The following C14orf39 variants were observed in gnomAD, a reference collection of about 807,000 sequenced individuals.
The protein encoded by C14orf39 is protein SIX6OS1.
C14orf39 carries 66 observed loss-of-function variants against 85.6 expected under a neutral mutation model. That is an observed-to-expected ratio of 0.77 (90% confidence interval 0.63 to 0.95). The LOEUF is 0.95. C14orf39 is among the 40% of genes least tolerant of loss of function. The pLI, the probability that C14orf39 is intolerant of heterozygous loss-of-function variation, is 0.00. For synonymous variants in C14orf39, 242 were observed against 214.0 expected (o/e 1.13, Z -1.14); for missense variants, 735 against 663.9 (o/e 1.11, Z -1.18).
In C14orf39 at chr14:60,484,776, A is replaced by G. The variant is rs1045011928; in HGVS notation, c.106+105T>C. The G allele has an allele frequency of 7.6e-6, 6 of 790,990 alleles. No individual in the cohort carries two copies. Among genetic ancestry groups the G allele is most frequent in the African/African-American group, 1.8e-5 (1 of 56,134 alleles). 49.0% of individuals were successfully genotyped at this position (790,990 alleles called of 1,614,324 possible). A position where few individuals can be genotyped will look rare whatever the true frequency, so the allele number is the denominator to read the frequency against. ...TTTGTCGCTAGAGAGAACTGACACA[A>G]AAGTTATAACGCCAACAATAAGTTG... On this transcript the variant is annotated intron_variant, in intron 3 of 17. Transcript: ENST00000321731. This position sits in a 1 kb window ranked among gnomAD's most constrained non-coding sequence, Gnocchi z 4.2.
At chr14:60,511,111 T>G (rs765698334) in intron 1 of C14orf39, 2 of 1,612,722 alleles carry the variant, frequency 1.2e-6, no homozygotes, top group African/African-American at 2.7e-5. Flanking sequence ...TGTCACAGGG[T>G]TCCGGGCGGG....
chr14:60,437,619 T>C (rs1349232122), intron 17 of C14orf39, among the ~76,000 whole-genome samples: 2 of 151,956 alleles, frequency 1.3e-5, no homozygotes, highest in African/African-American at 4.8e-5. Flanking sequence ...CAGGAGAGTC[T>C]AGAAGTGGGA....
chr14:60,478,150 G>C (rs1257085437), intron 5 of C14orf39, 150 bp downstream of exon 5: 2 of 234,176 alleles, frequency 8.5e-6, no homozygotes, highest in African/African-American at 5.1e-5. Context: ...CTGCACTCCA[G>C]CCTGGGGGAC....
At position 60,471,587 on chromosome 14, in the gene C14orf39, A is replaced by G; in HGVS notation, c.476T>C (p.Leu159Ser). The G allele has an allele frequency of 6.3e-7, 1 of 1,597,636 alleles. No homozygotes were observed. Among genetic ancestry groups the G allele is most frequent in the African/African-American group, 1.4e-5 (1 of 73,918 alleles). ...QSRVLACTEQ[L>S]KMNETIFMKF... ...CATAAAAATTGTTTCATTCATTTTT[A>G]ATTGTTCAGTACATGCCAACACTCT... Residue 159 changes from leucine to serine, a missense_variant, in exon 6 of 18, where the codon TTA (leucine) becomes TCA (serine). Coordinates refer to ENST00000321731, the MANE Select transcript of C14orf39 (RefSeq NM_174978.3).
chr14:60,455,684 G>A (rs1322929507), intron 15 of C14orf39, among the ~76,000 whole-genome samples: 1 of 152,098 alleles, frequency 6.6e-6, no homozygotes, highest in Non-Finnish European at 1.5e-5. Context: ...GGATTCTAGA[G>A]CCAGAACGGC....
At chr14:60,512,206 G>A (rs1356051410) in intron 1 of C14orf39, 1 of 152,098 alleles carries the variant, frequency 6.6e-6, no homozygotes, top group African/African-American at 2.4e-5. Context: ...CAGCTTTCAG[G>A]AGCAATTTAG....
chr14:60,478,281 C>A lies in C14orf39; in HGVS notation c.323+19G>T. 8.1e-7 allele frequency: 1 copy of A among 1,229,888 alleles called. No homozygotes were observed. The highest frequency in any genetic ancestry group is 1.1e-6 in the Non-Finnish European group (1 of 905,134). 76.2% of individuals were successfully genotyped at this position (1,229,888 alleles called of 1,614,324 possible). On this transcript the variant is annotated intron_variant, in intron 5 of 17. Coordinates refer to ENST00000321731, the MANE Select transcript of C14orf39 (RefSeq NM_174978.3). ...AATACAAACTTATAGAATTGATAAA[C>A]TTCATATAAGTACTATACTTGTCTT...
At chr14:60,455,193 C>A in intron 15 of C14orf39, 48 bp from the exon 16 acceptor site, 1 of 1,340,626 alleles carries the variant, frequency 7.5e-7, no homozygotes, top group Non-Finnish European at 1.0e-6. Flanking sequence ...TTATTAAACA[C>A]TGAATACTGG....
At chr14:60,489,784 A>C (rs1892958795), upstream of C14orf39, among the ~76,000 whole-genome samples, 1 of 152,228 alleles carries the variant, frequency 6.6e-6, no homozygotes, top group Admixed American at 6.5e-5. Flanking sequence ...AAGAGAGAGA[A>C]TCTTCCCTAG....
At chr14:60,453,349 T>C (rs539283201) in intron 16 of C14orf39, among the ~76,000 whole-genome samples, 1 of 151,726 alleles carries the variant, frequency 6.6e-6, no homozygotes, top group African/African-American at 2.4e-5. Context: ...CTACCAGAAA[T>C]GATATTAATA....
chr14:60,500,696 G>GA (rs1893131904), intron 1 of C14orf39, among the ~76,000 whole-genome samples: 1 of 152,012 alleles, frequency 6.6e-6, no homozygotes, highest in Non-Finnish European at 1.5e-5. Flanking sequence ...CATCAAAGGG[G>GA]AAAAAATGTG....
upstream of C14orf39, among the ~76,000 whole-genome samples, chr14:60,490,003 T>G (rs572793045): frequency 3.4e-4 from 52 of 152,338 alleles, no homozygotes; most frequent in South Asian, 0.011. Flanking sequence ...ACCTGACCTC[T>G]GCATTATCAC....
chr14:60,483,592 C>T, intron 4 of C14orf39, 99 bp downstream of exon 4: 1 of 1,015,864 alleles, frequency 9.8e-7, no homozygotes, highest in Middle Eastern at 3.1e-4. Context: ...GATTCATTAG[C>T]TAATACAGAA....
At chr14:60,466,868 T>G (rs933270918) in intron 10 of C14orf39, 49 bp downstream of exon 10, 5 of 1,397,304 alleles carry the variant, frequency 3.6e-6, no homozygotes, top group Non-Finnish European at 4.7e-6. Flanking sequence ...ATTTCTTCTG[T>G]GTGTTTGCAA....
intron 10 of C14orf39, 144 bp downstream of exon 10, chr14:60,466,773 G>A (rs961273814): frequency 2.2e-6 from 1 of 458,974 alleles, no homozygotes; most frequent in African/African-American, 2.0e-5. Flanking sequence ...CTCTCAGAAA[G>A]ATTCAAAGCA....
intron 16 of C14orf39, among the ~76,000 whole-genome samples, chr14:60,448,104 A>G (rs923036562): frequency 6.6e-6 from 1 of 152,224 alleles, no homozygotes; most frequent in East Asian, 1.9e-4. Flanking sequence ...AAGAAAACCT[A>G]GGCAATACCA....
At chr14:60,479,761 CT>C (rs2140150141) in intron 4 of C14orf39, among the ~76,000 whole-genome samples, 1 of 152,188 alleles carries the variant, frequency 6.6e-6, no homozygotes, top group East Asian at 1.9e-4. Flanking sequence ...AAAAACCTTC[CT>C]TTACTGTTAA....
chr14:60,457,212 C>A, intron 14 of C14orf39, 117 bp from the exon 15 acceptor site: 1 of 502,884 alleles, frequency 2.0e-6, no homozygotes, highest in Non-Finnish European at 3.3e-6. Context: ...ATTGCACAGA[C>A]AAAATAACTG....
chr14:60,447,913 T>C (rs976511597), intron 16 of C14orf39, among the ~76,000 whole-genome samples: 7 of 152,170 alleles, frequency 4.6e-5, no homozygotes, highest in African/African-American at 1.7e-4. Flanking sequence ...ATCTGATCTT[T>C]GACAAACCTG....
Sources: allele counts gnomAD v4.1 joint callset (sites outside exome capture counted in the v4.1 genomes callset), GRCh38; gene constraint gnomAD v4.1.1; non-coding constraint Gnocchi (gnomAD v3.1); transcripts MANE v1.5; gene names NCBI Gene and HGNC (gene_info 2026-07-23, HGNC 2026-07-21).